The following EFNA5 variants were observed in gnomAD, a reference collection of about 807,000 sequenced individuals.
The protein encoded by EFNA5 is ephrin A5.
Under a neutral mutation model 22.9 loss-of-function variants are expected in EFNA5, and 5 were observed. The observed-to-expected ratio is 0.22, with a 90% CI of 0.11 to 0.46. The LOEUF (loss-of-function observed/expected upper bound fraction) is 0.46, where lower values mean the gene tolerates loss of function less well. EFNA5 is among the 20% of genes least tolerant of loss of function. EFNA5 has a pLI of 0.99. For synonymous variants in EFNA5, 113 were observed against 112.2 expected (o/e 1.01, Z -0.04); for missense variants, 237 against 293.3 (o/e 0.81, Z 1.40).
At chr5:107,478,431 G>A (rs1750369176) in intron 1 of EFNA5, among the ~76,000 whole-genome samples, 1 of 151,648 alleles carries the variant, frequency 6.6e-6, no homozygotes, top group South Asian at 2.1e-4. Flanking sequence ...AGTTACAAAG[G>A]TTTTGTAAAT....
chr5:107,435,339 C>CTTTTTTTTTTTTTTTTTTTT (rs1209140672), intron 1 of EFNA5, among the ~76,000 whole-genome samples: 58 of 56,832 alleles, frequency 1.0e-3, no homozygotes, highest in African/African-American at 3.2e-3. Flanking sequence ...TTTTTTTTTG[C>CTTTTTTTTTTTTTTTTTTTT]TTTTCTGTGG....
chr5:107,488,502 G>T (rs1284337808), intron 1 of EFNA5, among the ~76,000 whole-genome samples: 1 of 152,086 alleles, frequency 6.6e-6, no homozygotes, highest in Non-Finnish European at 1.5e-5. Flanking sequence ...TCCTCTTGTT[G>T]AAGTACCCTT....
chr5:107,601,146 T>C (rs1749584480), intron 1 of EFNA5, among the ~76,000 whole-genome samples: 1 of 152,178 alleles, frequency 6.6e-6, no homozygotes, highest in Non-Finnish European at 1.5e-5. Flanking sequence ...GATTGTTTCA[T>C]AGGAAAAGCA....
intron 1 of EFNA5, among the ~76,000 whole-genome samples, chr5:107,649,410 G>A (rs1432375471): frequency 1.3e-5 from 2 of 152,110 alleles, no homozygotes; most frequent in Non-Finnish European, 2.9e-5. Context: ...ATGAAGAGAG[G>A]CACACTATGG....
chr5:107,662,595 T>C (rs937093852), intron 1 of EFNA5, among the ~76,000 whole-genome samples: 1 of 152,048 alleles, frequency 6.6e-6, no homozygotes, highest in Non-Finnish European at 1.5e-5. Context: ...CAAATATGAA[T>C]TTACTTGTAA....
intron 1 of EFNA5, among the ~76,000 whole-genome samples, chr5:107,581,648 GC>G (rs1188601685): frequency 7.2e-5 from 11 of 152,170 alleles, no homozygotes; most frequent in Non-Finnish European, 1.2e-4. Context: ...AATAACAGTT[GC>G]CACATTCAAG....
chr5:107,387,666 C>T (rs200515632), intron 3 of EFNA5, 40 bp downstream of exon 3: 66 of 1,483,340 alleles, frequency 4.4e-5, no homozygotes, highest in Middle Eastern at 3.5e-4. Context: ...AAAGCATGCG[C>T]GGTGAAGCCA....
intron 1 of EFNA5, among the ~76,000 whole-genome samples, chr5:107,611,220 T>C (rs1265492586): frequency 1.3e-5 from 2 of 150,650 alleles, no homozygotes; most frequent in African/African-American, 4.9e-5. Context: ...AAAACCAAGC[T>C]GGAAATGCTA....
chr5:107,396,897 A>G (rs999299194), intron 2 of EFNA5, among the ~76,000 whole-genome samples: 1 of 152,180 alleles, frequency 6.6e-6, no homozygotes, highest in African/African-American at 2.4e-5. Flanking sequence ...CCGTAGGACA[A>G]GGATGTAAAT....
intron 1 of EFNA5, among the ~76,000 whole-genome samples, chr5:107,433,720 C>T (rs940467490): frequency 6.6e-6 from 1 of 151,976 alleles, no homozygotes; most frequent in African/African-American, 2.4e-5. Flanking sequence ...TATAGTGAGA[C>T]TCCATCTCTA....
intron 1 of EFNA5, among the ~76,000 whole-genome samples, chr5:107,536,137 G>A (rs1487594374): frequency 6.6e-6 from 1 of 152,186 alleles, no homozygotes; most frequent in Non-Finnish European, 1.5e-5. Flanking sequence ...AGACTCAGAT[G>A]ACACCATACA....
At chr5:107,396,493 G>A (rs1318483148) in intron 2 of EFNA5, among the ~76,000 whole-genome samples, 1 of 152,182 alleles carries the variant, frequency 6.6e-6, no homozygotes, top group East Asian at 1.9e-4. Context: ...CTCTGCATGG[G>A]GATATCCCTA....
chr5:107,464,706 T>G (rs1673641288), intron 1 of EFNA5, among the ~76,000 whole-genome samples: 1 of 152,144 alleles, frequency 6.6e-6, no homozygotes, highest in Non-Finnish European at 1.5e-5. Context: ...AGAGGGGAGT[T>G]GCCCATAGGC....
chr5:107,452,886 C>G (rs1271893235), intron 1 of EFNA5, among the ~76,000 whole-genome samples: 1 of 152,060 alleles, frequency 6.6e-6, no homozygotes, highest in African/African-American at 2.4e-5. Flanking sequence ...AGGCTTAACT[C>G]CAAAACACAA....
At chr5:107,393,727 T>A (rs1182984558) in intron 2 of EFNA5, among the ~76,000 whole-genome samples, 1 of 152,196 alleles carries the variant, frequency 6.6e-6, no homozygotes, top group Non-Finnish European at 1.5e-5. Context: ...CAGTTCAACA[T>A]ACAACACAAA....
intron 2 of EFNA5, among the ~76,000 whole-genome samples, chr5:107,412,496 T>C (rs1038936484): frequency 6.6e-6 from 1 of 152,186 alleles, no homozygotes; most frequent in Non-Finnish European, 1.5e-5. Flanking sequence ...TAATGGATAA[T>C]TGTGAAAAAG....
chr5:107,570,136 T>A (rs1291719459), intron 1 of EFNA5, among the ~76,000 whole-genome samples: 4 of 152,138 alleles, frequency 2.6e-5, no homozygotes, highest in Non-Finnish European at 5.9e-5. Context: ...GTTTTCACAT[T>A]TTGAGAGGCA....
At position 107,591,891 on chromosome 5, in the gene EFNA5, T is replaced by A. The variant is rs201856175; in HGVS notation, c.125+78598A>T. Among the ~76,000 whole-genome samples the A allele has an allele frequency of 2.0e-3, 35 of 17,078 alleles. 3 individuals carry two copies. Among genetic ancestry groups the A allele is most frequent in the African/African-American group, 0.013 (32 of 2,396 alleles). The allele number at this position is 17,078 out of a possible 152,430, so 11.2% of individuals were successfully genotyped here. A position where few individuals can be genotyped will look rare whatever the true frequency, so the allele number is the denominator to read the frequency against. On this transcript the variant is annotated intron_variant, in intron 1 of 4. Coordinates refer to ENST00000333274, the MANE Select transcript of EFNA5 (RefSeq NM_001962.3). Reference sequence around the variant, plus strand: ...ATATATATAATATATAATATATATATTATATATAATATATAATATAAAAAA... The same window carrying A: ...ATATATATAATATATAATATATATAATATATATAATATATAATATAAAAAA...
chr5:107,556,189 A>T (rs1748409875), intron 1 of EFNA5, among the ~76,000 whole-genome samples: 1 of 152,198 alleles, frequency 6.6e-6, no homozygotes. Context: ...TGGCACTCAC[A>T]GTTTCCTATC....
Sources: allele counts gnomAD v4.1 joint callset (sites outside exome capture counted in the v4.1 genomes callset), GRCh38; gene constraint gnomAD v4.1.1; transcripts MANE v1.5; gene names NCBI Gene and HGNC (gene_info 2026-07-23, HGNC 2026-07-21).